The following RHBDL3 variants were observed in gnomAD, a reference collection of about 807,000 sequenced individuals.
RHBDL3 encodes rhomboid-related protein 3.
RHBDL3 carries 28 observed loss-of-function variants against 48.2 expected under a neutral mutation model. The ratio of observed to expected loss-of-function variants is 0.58; its 90% CI spans 0.43 to 0.80. The LOEUF (loss-of-function observed/expected upper bound fraction) is 0.80, where lower values mean the gene tolerates loss of function less well. Ranked by LOEUF, RHBDL3 falls within the 30% of genes least tolerant of loss-of-function variation. The pLI is 0.00. For synonymous variants in RHBDL3, 208 were observed against 232.3 expected, an observed-to-expected ratio of 0.90 and a Z score of 0.95; for missense variants, 464 against 542.7, an observed-to-expected ratio of 0.85 and a Z score of 1.44.
intron 3 of RHBDL3, 133 bp from the exon 4 acceptor site, chr17:32,288,659 T>A (rs559721705): frequency 5.5e-4 from 356 of 648,552 alleles, no homozygotes; most frequent in Middle Eastern, 2.1e-3. Context: ...GAATGTTGCT[T>A]CTTATTAACA....
intron 1 of RHBDL3, among the ~76,000 whole-genome samples, 192 bp downstream of exon 1, chr17:32,266,492 C>A (rs946109018): frequency 3.9e-5 from 6 of 152,250 alleles, no homozygotes; most frequent in African/African-American, 1.4e-4. Flanking sequence ...CCGCTTCCCC[C>A]GCTCTGGTTC....
intron 6 of RHBDL3, among the ~76,000 whole-genome samples, chr17:32,302,531 G>GTA (rs141019006): frequency 0.016 from 1,928 of 122,452 alleles, 20 homozygotes; most frequent in Admixed American, 0.041. Context: ...GCTAATTTTT[G>GTA]TATATATATA....
intron 2 of RHBDL3, among the ~76,000 whole-genome samples, 162 bp downstream of exon 2, chr17:32,268,087 G>C (rs2039680747): frequency 6.6e-6 from 1 of 152,110 alleles, no homozygotes; most frequent in South Asian, 2.1e-4. Context: ...CTGCTCTCCA[G>C]GTATCAGGAG....
At chr17:32,298,273 G>T in intron 6 of RHBDL3, 69 bp downstream of exon 6, 6 of 1,009,676 alleles carry the variant, frequency 5.9e-6, no homozygotes, top group Non-Finnish European at 9.2e-6. Flanking sequence ...CCTGTGGGGC[G>T]GGGCAAGCCC....
At position 32,294,499 on chromosome 17, in the gene RHBDL3, A is replaced by G. The variant is rs1597653859; in HGVS notation, c.668+57A>G. ...AGACCCTACAGAAAAATAAGTGGTC[A>G]AGATAGCCTGGATTGAAATATAGTT... On this transcript the variant is annotated intron_variant, in intron 5 of 8. Transcript: ENST00000269051. The G allele has an allele frequency of 2.7e-6, 4 of 1,476,138 alleles. No homozygotes were observed. In the East Asian group the frequency reaches 9.7e-5, roughly 36 times the overall value. The allele number at this position is 1,476,138 out of a possible 1,614,324, so 91.4% of individuals were successfully genotyped here.
At chr17:32,316,161 T>C in intron 7 of RHBDL3, 71 bp from the exon 8 acceptor site, 1 of 1,113,254 alleles carries the variant, frequency 9.0e-7, no homozygotes, top group South Asian at 1.3e-5. Context: ...AATGTCAGGT[T>C]TTCTTAAGCA....
intron 7 of RHBDL3, among the ~76,000 whole-genome samples, chr17:32,311,814 C>T (rs916273895): frequency 2.0e-5 from 3 of 152,198 alleles, no homozygotes; most frequent in African/African-American, 7.2e-5. Context: ...CTACTGTGTG[C>T]CAGGCAGTGG....
chr17:32,289,131 T>C (rs2150715880), intron 4 of RHBDL3, 115 bp downstream of exon 4: 1 of 775,870 alleles, frequency 1.3e-6, no homozygotes, highest in Non-Finnish European at 2.2e-6. Flanking sequence ...TCTTTTCCAT[T>C]GAAGGGCAAT....
At chr17:32,283,402 A>G (rs907733909) in intron 2 of RHBDL3, among the ~76,000 whole-genome samples, 10 of 147,526 alleles carry the variant, frequency 6.8e-5, no homozygotes, top group South Asian at 2.1e-4. Context: ...GCTCACTGCA[A>G]GCTCCGCCTC....
At chr17:32,300,670 A>G (rs1171952304) in intron 6 of RHBDL3, among the ~76,000 whole-genome samples, 1 of 152,202 alleles carries the variant, frequency 6.6e-6, no homozygotes, top group Non-Finnish European at 1.5e-5. Context: ...GAGGATAGCT[A>G]ACCTCTATGG....
chr17:32,277,051 T>C (rs1307845235), intron 2 of RHBDL3, among the ~76,000 whole-genome samples: 3 of 152,214 alleles, frequency 2.0e-5, no homozygotes, highest in Admixed American at 6.5e-5. Context: ...TTGGTGTGTG[T>C]ACATGGGAGA....
chr17:32,315,898 G>T (rs1472834536), intron 7 of RHBDL3, among the ~76,000 whole-genome samples: 2 of 151,700 alleles, frequency 1.3e-5, no homozygotes, highest in African/African-American at 4.8e-5. Context: ...GACTTTGCTT[G>T]GTTGGCTGTC....
At chr17:32,268,700 G>A (rs1017642491) in intron 2 of RHBDL3, among the ~76,000 whole-genome samples, 4 of 152,222 alleles carry the variant, frequency 2.6e-5, no homozygotes, top group Non-Finnish European at 5.9e-5. Flanking sequence ...AGAAATTGGT[G>A]TGAGTGGGCC....
At chr17:32,299,163 A>G (rs1029849640) in intron 6 of RHBDL3, among the ~76,000 whole-genome samples, 1 of 150,806 alleles carries the variant, frequency 6.6e-6, no homozygotes. Flanking sequence ...GAGTGGTATT[A>G]AAGTTGTCAT....
At position 32,310,991 on chromosome 17, in the gene RHBDL3, T is replaced by G. The variant is rs543964415; in HGVS notation, c.883-5241T>G. Among the ~76,000 whole-genome samples the G allele has an allele frequency of 2.0e-5, 3 of 152,262 alleles. No homozygotes were observed. The South Asian group carries it at 6.2e-4, about 32-fold the overall frequency. On this transcript the variant is annotated intron_variant, in intron 7 of 8. Coordinates refer to ENST00000269051, the MANE Select transcript of RHBDL3 (RefSeq NM_138328.3). Reference sequence around the variant, plus strand: ...CGTCATACTTTCACATTCCCTGTGTTGGGTTTTCTTGAAGTCATTTCACAA... The same window carrying G: ...CGTCATACTTTCACATTCCCTGTGTGGGGTTTTCTTGAAGTCATTTCACAA...
chr17:32,305,695 A>C (rs939699383), intron 7 of RHBDL3, among the ~76,000 whole-genome samples: 26 of 152,088 alleles, frequency 1.7e-4, no homozygotes, highest in African/African-American at 5.1e-4. Context: ...CCATTCACCA[A>C]CGTTAAAGAG....
intron 2 of RHBDL3, among the ~76,000 whole-genome samples, chr17:32,282,873 C>T (rs1045090938): frequency 8.5e-5 from 13 of 152,242 alleles, no homozygotes; most frequent in South Asian, 4.2e-4. Context: ...CCACCTGCCT[C>T]GGCCTCCCAA....
chr17:32,270,012 C>A (rs1165341177), intron 2 of RHBDL3, among the ~76,000 whole-genome samples: 1 of 151,706 alleles, frequency 6.6e-6, no homozygotes, highest in African/African-American at 2.4e-5. Context: ...TTCTGGGAGG[C>A]CTGCCCAGAA....
intron 3 of RHBDL3, among the ~76,000 whole-genome samples, chr17:32,287,395 C>T (rs2040222628): frequency 6.6e-6 from 1 of 152,156 alleles, no homozygotes; most frequent in Non-Finnish European, 1.5e-5. Context: ...TTACAGAGCT[C>T]CTGGGCCATT....
Sources: gnomAD v4.1 joint callset for allele counts (sites outside exome capture counted in the v4.1 genomes callset) on GRCh38, gnomAD v4.1.1 for gene constraint, MANE v1.5 for transcripts, NCBI Gene and HGNC (gene_info 2026-07-23, HGNC 2026-07-21) for gene names.